The following RARA variants were observed in gnomAD, a reference collection of about 807,000 sequenced individuals.
RARA encodes the protein PML-DDX5-RARA fusion.
Under a neutral mutation model 42.8 loss-of-function variants are expected in RARA, and 5 were observed. That is an observed-to-expected ratio of 0.12 (90% CI 0.06 to 0.25). The LOEUF (loss-of-function observed/expected upper bound fraction) is 0.25, where lower values mean the gene tolerates loss of function less well. Among genes scored for constraint, RARA ranks in the 10% least tolerant of loss-of-function variants. The pLI is 1.00. For synonymous variants in RARA, 256 were observed against 259.5 expected, an observed-to-expected ratio of 0.99 and a Z score of 0.13; for missense variants, 402 against 628.7, an observed-to-expected ratio of 0.64 and a Z score of 3.86.
Position 40,356,645 on chromosome 17 carries a change from CGGTT to C in RARA, c.*423_*426del, listed in dbSNP as rs1264349989. 2 of 477,744 alleles carry C rather than the reference CGGTT, an allele frequency of 4.2e-6. No individual in the cohort carries two copies. The highest frequency in any genetic ancestry group is 8.2e-6 in the Non-Finnish European group (2 of 243,366). The allele number at this position is 477,744 out of a possible 1,614,324, so 29.6% of individuals were successfully genotyped here. On this transcript the variant is annotated 3_prime_UTR_variant, in exon 9 of 9. Transcript: ENST00000254066. Reference sequence around the variant, plus strand: ...GGGAACCTCAACCTCCCCCCTGCCTCGGTTGGTGACAGAGGGGGTGGGACAGGGG... The same window carrying C: ...GGGAACCTCAACCTCCCCCCTGCCTCGGTGACAGAGGGGGTGGGACAGGGG...
chr17:40,310,529 G>T (rs1285280346), intron 1 of RARA, among the ~76,000 whole-genome samples: 4 of 152,044 alleles, frequency 2.6e-5, no homozygotes, highest in Non-Finnish European at 4.4e-5. Context: ...TTCTTCCATG[G>T]CTCCCCGGGT....
At chr17:40,318,029 G>T (rs1234191989) in intron 1 of RARA, among the ~76,000 whole-genome samples, 1 of 152,200 alleles carries the variant, frequency 6.6e-6, no homozygotes, top group Non-Finnish European at 1.5e-5. Flanking sequence ...TCGGTTCTGG[G>T]TCTGAGGGAG....
At chr17:40,310,290 G>T (rs1444132992) in intron 1 of RARA, among the ~76,000 whole-genome samples, 1 of 152,116 alleles carries the variant, frequency 6.6e-6, no homozygotes, top group Non-Finnish European at 1.5e-5. Flanking sequence ...GCTCTCTGAA[G>T]ATCTAGGGCG....
rs1303998335 is a variant in RARA, at chr17:40,354,488, A to G, written c.994A>G (p.Ile332Val). 1.2e-6 allele frequency: 2 copies of G among 1,610,574 alleles called. No individual in the cohort carries two copies. The highest frequency in any genetic ancestry group is 1.7e-5 in the Admixed American group (1 of 59,932). Reference sequence around the variant, plus strand: ...TGCGGAGACGGGGCTGCTCAGCGCCATCTGCCTCATCTGCGGAGGTGGGCA... The same window carrying G: ...TGCGGAGACGGGGCTGCTCAGCGCCGTCTGCCTCATCTGCGGAGGTGGGCA... ...DDAETGLLSAICLICGDRQDL... is the reference protein window; with the variant it reads ...DDAETGLLSAVCLICGDRQDL... The change falls in exon 7 of 9, where the codon ATC becomes GTC. Residue 332 changes from isoleucine to valine, a missense_variant. Ile to Val is a conservative substitution (Grantham distance 29, BLOSUM62 3). Coordinates refer to ENST00000254066, the MANE Select transcript of RARA (RefSeq NM_000964.4). The surrounding 1 kb of genome is among the most constrained non-coding windows in gnomAD (Gnocchi z 4.5).
chr17:40,321,478 G>A (rs368080304), intron 1 of RARA, among the ~76,000 whole-genome samples: 8 of 152,264 alleles, frequency 5.3e-5, no homozygotes, highest in South Asian at 2.1e-4. Flanking sequence ...ACTCTAGCCC[G>A]CCCACCTGGC....
In RARA at chr17:40,351,615, G is replaced by A. The variant is rs1225260250; in HGVS notation, c.470-295G>A. On this transcript the variant is annotated intron_variant, in intron 4 of 8. Transcript: ENST00000254066. This position sits in a 1 kb window ranked among gnomAD's most constrained non-coding sequence, Gnocchi z 4.1. ...GGCACCGTCGCCTGGAGTGTGAGCT[G>A]GAGTAGACGCGTGGGGGATAGCATG... The A allele has an allele frequency of 9.9e-6, 5 of 503,544 alleles. No individual in the cohort carries two copies. Among genetic ancestry groups the A allele is most frequent in the South Asian group, 3.6e-5 (2 of 56,146 alleles). 31.2% of individuals were successfully genotyped at this position (503,544 alleles called of 1,614,324 possible).
At chr17:40,350,545 G>A (rs2034408415) in intron 4 of RARA, 1 of 152,556 alleles carries the variant, frequency 6.6e-6, no homozygotes, top group African/African-American at 2.4e-5. Flanking sequence ...TGAATCATGG[G>A]TGTTGCCATG....
chr17:40,323,909 C>T (rs2033465437), intron 1 of RARA, among the ~76,000 whole-genome samples: 2 of 152,016 alleles, frequency 1.3e-5, no homozygotes, highest in Non-Finnish European at 2.9e-5. Flanking sequence ...CTGGTACCAT[C>T]TAGTCCTGCT....
chr17:40,327,352 T>G (rs1020102716), intron 1 of RARA, among the ~76,000 whole-genome samples: 1 of 152,216 alleles, frequency 6.6e-6, no homozygotes, highest in Non-Finnish European at 1.5e-5. Flanking sequence ...CACTTTGGGT[T>G]AGCTGCCCCT....
chr17:40,310,923 G>A (rs969720912), intron 1 of RARA, among the ~76,000 whole-genome samples: 4 of 152,120 alleles, frequency 2.6e-5, no homozygotes, highest in African/African-American at 7.2e-5. Context: ...TTGCCCATCT[G>A]GGGGATGGAG....
chr17:40,346,831 G>A (rs2034283057), intron 2 of RARA, among the ~76,000 whole-genome samples: 1 of 152,220 alleles, frequency 6.6e-6, no homozygotes. Context: ...CATTGCTGCA[G>A]GCTGGTCTTG....
At chr17:40,342,875 C>T (rs1299897044) in intron 2 of RARA, 1 of 1,608,426 alleles carries the variant, frequency 6.2e-7, no homozygotes, top group Non-Finnish European at 8.5e-7. Flanking sequence ...ACTGTACGTA[C>T]CGGCCTCTCA....
chr17:40,341,727 G>A (rs1598566073), intron 2 of RARA: 1 of 1,303,078 alleles, frequency 7.7e-7, no homozygotes, highest in Non-Finnish European at 9.7e-7. Context: ...GTTAAGGGGA[G>A]GACACCGGGA....
rs1217885208 is a variant in RARA at position 40,326,078 on chromosome 17, C to T, written c.-362-4779C>T. On this transcript the variant is annotated intron_variant, in intron 1 of 8. Transcript: ENST00000254066. The surrounding 1 kb of genome is among the most constrained non-coding windows in gnomAD (Gnocchi z 5.2). Reference sequence around the variant, plus strand: ...CCCGAATATCCCTTTCCCCACATCCCTCTCCTCCATCCGAGGGAAGCAGAC... The same window carrying T: ...CCCGAATATCCCTTTCCCCACATCCTTCTCCTCCATCCGAGGGAAGCAGAC... Among the ~76,000 whole-genome samples the T allele has an allele frequency of 1.3e-5, 2 of 152,234 alleles. No individual in the cohort carries two copies. The highest frequency in any genetic ancestry group is 2.9e-5 in the Non-Finnish European group (2 of 68,040).
In RARA at chr17:40,331,253, G is replaced by A. The variant is rs137929765; in HGVS notation, c.35G>A (p.Gly12Glu). 6.2e-7 allele frequency: 1 copy of A among 1,613,336 alleles called. No individual in the cohort carries two copies. Among genetic ancestry groups the A allele is most frequent in the Non-Finnish European group, 8.5e-7 (1 of 1,179,816 alleles). ...ASNSSSCPTP[G>E]GGHLNGYPVP... ...AACAGCAGCTCCTGCCCGACACCTGGGGGCGGGCACCTCAATGGGTACCCG... is the reference window on the plus strand; with the variant it reads ...AACAGCAGCTCCTGCCCGACACCTGAGGGCGGGCACCTCAATGGGTACCCG... Residue 12 changes from glycine (G) to glutamate (E), a missense_variant, in exon 2 of 9, where the codon GGG becomes GAG. This residue lies in a region of RARA where 91 missense variants were observed against 105.2 expected (regional missense o/e 0.87). Transcript: ENST00000254066.
intron 1 of RARA, among the ~76,000 whole-genome samples, chr17:40,319,253 C>T (rs1351559800): frequency 6.6e-6 from 1 of 152,086 alleles, no homozygotes; most frequent in Non-Finnish European, 1.5e-5. Context: ...TCAGGCTGCT[C>T]CTTGCGAAAG....
intron 1 of RARA, among the ~76,000 whole-genome samples, chr17:40,325,514 T>G (rs931535737): frequency 4.6e-5 from 7 of 152,086 alleles, no homozygotes; most frequent in Admixed American, 1.3e-4. Context: ...AGGTTGTGGC[T>G]TTGTATGTAT....
At chr17:40,348,139 T>C (rs769807583) in intron 2 of RARA, 177 bp from the exon 3 acceptor site, 3 of 689,660 alleles carry the variant, frequency 4.3e-6, no homozygotes, top group Non-Finnish European at 6.7e-6. Flanking sequence ...GGAGGCTTCA[T>C]TGGCAGCCTC....
Position 40,356,541 on chromosome 17 carries a change from C to T in RARA, c.*315C>T, listed in dbSNP as rs1401249149. 1 of 617,208 alleles carries T rather than the reference C, an allele frequency of 1.6e-6. No individual in the cohort carries two copies. The highest frequency in any genetic ancestry group is 2.1e-5 in the Admixed American group (1 of 47,186). 38.2% of individuals were successfully genotyped at this position (617,208 alleles called of 1,614,324 possible). Reference sequence around the variant, plus strand: ...CATCAAGACACCCCTCTGCCCAGCTCACCACATCTTCATCACCAGCAAACG... The same window carrying T: ...CATCAAGACACCCCTCTGCCCAGCTTACCACATCTTCATCACCAGCAAACG... On this transcript the variant is annotated 3_prime_UTR_variant, in exon 9 of 9. Transcript: ENST00000254066.
Sources: allele counts gnomAD v4.1 joint callset (sites outside exome capture counted in the v4.1 genomes callset), GRCh38; gene constraint gnomAD v4.1.1; regional missense constraint gnomAD v4.1.1; non-coding constraint Gnocchi (gnomAD v3.1); transcripts MANE v1.5; gene names NCBI Gene and HGNC (gene_info 2026-07-23, HGNC 2026-07-21).